The following MYT1 variants were observed in gnomAD, a reference collection of about 807,000 sequenced individuals.
MYT1 encodes the protein myelin transcription factor 1.
MYT1 carries 23 observed loss-of-function variants against 123.0 expected under a neutral mutation model. The ratio of observed to expected loss-of-function variants is 0.19; its 90% CI spans 0.13 to 0.26. The LOEUF (loss-of-function observed/expected upper bound fraction) is 0.26, where lower values mean the gene tolerates loss of function less well. MYT1 is among the 10% of genes least tolerant of loss of function. The probability of loss-of-function intolerance (pLI) is 1.00; values close to 1 mark genes in which losing one functional copy is unlikely to be tolerated. For synonymous variants in MYT1, 518 were observed against 575.3 expected (o/e 0.90, Z 1.43); for missense variants, 1,125 against 1,472.5 (o/e 0.76, Z 3.86).
At position 64,213,136 on chromosome 20, in the gene MYT1, G is replaced by A. The variant is rs996710615; in HGVS notation, c.1518-398G>A. 2.6e-5 allele frequency among the ~76,000 whole-genome samples: 4 copies of A among 152,234 alleles called. No individual in the cohort carries two copies. Among genetic ancestry groups the A allele is most frequent in the Non-Finnish European group, 5.9e-5 (4 of 68,004 alleles). ...CCCCAGAGCAGCTAACAGAACAAGC[G>A]CCAGAGAGGGCTGCAGAATCCAGCC... is the stretch of plus-strand genomic sequence containing the variant. On this transcript the variant is annotated intron_variant, in intron 9 of 22. Coordinates refer to ENST00000328439, the MANE Select transcript of MYT1 (RefSeq NM_004535.3). This position sits in a 1 kb window ranked among gnomAD's most constrained non-coding sequence, Gnocchi z 5.6.
chr20:64,214,829 C>T (rs745737486), intron 10 of MYT1, among the ~76,000 whole-genome samples: 12 of 152,362 alleles, frequency 7.9e-5, no homozygotes, highest in Non-Finnish European at 1.2e-4. Context: ...TGACCCCGGC[C>T]CTTCCTGGCA....
intron 1 of MYT1, among the ~76,000 whole-genome samples, chr20:64,184,677 C>G (rs1034099012): frequency 2.0e-5 from 3 of 152,116 alleles, no homozygotes; most frequent in African/African-American, 7.2e-5. Context: ...AACAACACAG[C>G]CAGAGAGGTC....
In MYT1 at chr20:64,239,744, TC is replaced by T. The variant is rs749969958; in HGVS notation, c.3094-15del. 1 of 1,613,428 alleles carries T rather than the reference TC, an allele frequency of 6.2e-7. No homozygotes were observed. The highest frequency in any genetic ancestry group is 1.1e-5 in the South Asian group (1 of 91,074). ...GGCCAAGGGCAGGCGGCACTTCGAA[TC>T]TCTCTCTGGCACAGATCTCCTCCAT... On this transcript the variant is annotated splice_polypyrimidine_tract_variant and intron_variant, in intron 21 of 22. Coordinates refer to ENST00000328439, the MANE Select transcript of MYT1 (RefSeq NM_004535.3).
At chr20:64,183,831 T>G (rs535943880) in intron 1 of MYT1, among the ~76,000 whole-genome samples, 2 of 152,208 alleles carry the variant, frequency 1.3e-5, no homozygotes, top group Non-Finnish European at 2.9e-5. Flanking sequence ...ATTCATTTAT[T>G]TATTTTTGAG....
chr20:64,207,865 G>T lies in MYT1; in HGVS notation c.669G>T (p.Glu223Asp), dbSNP rs764225168. The T allele has an allele frequency of 6.2e-7, 1 of 1,613,316 alleles. No individual in the cohort carries two copies. The highest frequency in any genetic ancestry group is 8.5e-7 in the Non-Finnish European group (1 of 1,179,816). Reference sequence around the variant, plus strand: ...TCATCCAGCCAGAGGATGCCGAGGAGGTCGTCGAAGTCACCACCGAGCGCT... The same window carrying T: ...TCATCCAGCCAGAGGATGCCGAGGATGTCGTCGAAGTCACCACCGAGCGCT... ...GLFIQPEDAE[E>D]VVEVTTERSQ... The change falls in exon 7 of 23, where the codon GAG becomes GAT. Residue 223 changes from glutamate (E) to aspartate (D), a missense_variant. By Grantham distance (45) the Glu-to-Asp change is conservative. Coordinates refer to ENST00000328439, the MANE Select transcript of MYT1 (RefSeq NM_004535.3).
intron 21 of MYT1, among the ~76,000 whole-genome samples, chr20:64,239,187 G>C (rs1445916697): frequency 6.6e-6 from 1 of 152,250 alleles, no homozygotes; most frequent in African/African-American, 2.4e-5. Context: ...GTGGGGAAGT[G>C]AGAAGACTTG....
chr20:64,237,779 T>C (rs1345910741), intron 21 of MYT1, among the ~76,000 whole-genome samples: 1 of 152,230 alleles, frequency 6.6e-6, no homozygotes, highest in Admixed American at 6.5e-5. Flanking sequence ...CAGTGGTCCA[T>C]GAGCGTGGTG....
intron 10 of MYT1, 62 bp from the exon 11 acceptor site, chr20:64,217,004 GA>G: frequency 6.6e-7 from 1 of 1,513,848 alleles, no homozygotes; most frequent in Non-Finnish European, 9.1e-7. Flanking sequence ...TGGGGTTGGG[GA>G]GGGTGGCACG....
chr20:64,219,156 T>C, intron 12 of MYT1, 121 bp downstream of exon 12: 2 of 1,337,008 alleles, frequency 1.5e-6, no homozygotes, highest in South Asian at 1.5e-5. Context: ...CTGGCAATTC[T>C]CATTCTTAAC....
intron 2 of MYT1, among the ~76,000 whole-genome samples, chr20:64,198,368 C>T (rs146747961): frequency 1.8e-3 from 274 of 150,242 alleles, no homozygotes; most frequent in African/African-American, 6.3e-3. Context: ...TCTGGGGACA[C>T]GTTGGGGTCA....
At chr20:64,222,074 T>C in intron 14 of MYT1, 27 bp downstream of exon 14, 1 of 1,611,120 alleles carries the variant, frequency 6.2e-7, no homozygotes, top group Non-Finnish European at 8.5e-7. Flanking sequence ...CTGGCACAGC[T>C]CCTAGGGGAC....
rs1186620239 is a variant in MYT1 at position 64,167,527 on chromosome 20, C to T, written c.-99+2788C>T. Among the ~76,000 whole-genome samples, 2 of 152,160 alleles carry T rather than the reference C, an allele frequency of 1.3e-5. No homozygotes were observed. The highest frequency in any genetic ancestry group is 2.9e-5 in the Non-Finnish European group (2 of 68,032). ...GGTGGGTGGGGGCTGCTGGCGGTCA[C>T]CTGATCTGCGAGCAGGCAGGGTACT... is the stretch of plus-strand genomic sequence containing the variant. On this transcript the variant is annotated intron_variant, in intron 1 of 22. Transcript: ENST00000328439. The surrounding 1 kb of genome is among the most constrained non-coding windows in gnomAD (Gnocchi z 6.3).
intron 22 of MYT1, among the ~76,000 whole-genome samples, 200 bp from the exon 23 acceptor site, chr20:64,240,120 A>T (rs573867987): frequency 6.6e-6 from 1 of 152,304 alleles, no homozygotes; most frequent in African/African-American, 2.4e-5. Flanking sequence ...TAGCTAATGA[A>T]TCCAAAGCAA....
Position 64,218,924 on chromosome 20 carries a change from G to A in MYT1, c.1860G>A (p.Ser620=), listed in dbSNP as rs769365746. ...CCTCTTCTGCAGGCTTTGACTACTC[G>A]CAGGACGCCGAGGCTGCACACATGG... The part of the protein sequence containing the change: ...SPKAFQCFDY[S]QDAEAAHMAA... The change falls in exon 12 of 23, where the codon TCG becomes TCA. Residue 620 remains serine (S), a synonymous_variant. Transcript: ENST00000328439. This position sits in a 1 kb window ranked among gnomAD's most constrained non-coding sequence, Gnocchi z 4.0. 1.6e-5 allele frequency: 26 copies of A among 1,613,452 alleles called. No homozygotes were observed. The highest frequency in any genetic ancestry group is 4.5e-5 in the East Asian group (2 of 44,896).
intron 18 of MYT1, among the ~76,000 whole-genome samples, chr20:64,228,611 CCTGACT>C (rs1984237458): frequency 6.6e-6 from 1 of 152,140 alleles, no homozygotes; most frequent in Admixed American, 6.5e-5. Flanking sequence ...ATAGGTGAAC[CCTGACT>C]CTGTGTGTTA....
In MYT1 at chr20:64,186,326, C is replaced by T. The variant is rs1487466187; in HGVS notation, c.-98-3737C>T. 2.0e-5 allele frequency among the ~76,000 whole-genome samples: 3 copies of T among 152,154 alleles called. No homozygotes were observed. Among genetic ancestry groups the T allele is most frequent in the Non-Finnish European group, 2.9e-5 (2 of 68,012 alleles). On this transcript the variant is annotated intron_variant, in intron 1 of 22. Transcript: ENST00000328439. The surrounding 1 kb of genome is among the most constrained non-coding windows in gnomAD (Gnocchi z 4.3). ...CCCGAGAGGCTTGTTTTCCAGGAGACGTGCTCAGGATGGAGCGGTCTCTGA... is the reference window on the plus strand; with the variant it reads ...CCCGAGAGGCTTGTTTTCCAGGAGATGTGCTCAGGATGGAGCGGTCTCTGA...
intron 1 of MYT1, among the ~76,000 whole-genome samples, chr20:64,187,958 G>A (rs920383071): frequency 3.3e-5 from 5 of 152,212 alleles, no homozygotes; most frequent in African/African-American, 1.2e-4. Context: ...GGCAGGAGTG[G>A]CTCTTTGGAG....
In MYT1 at chr20:64,213,232, C is replaced by T. The variant is rs1387896233; in HGVS notation, c.1518-302C>T. Among the ~76,000 whole-genome samples the T allele has an allele frequency of 6.6e-6, 1 of 152,178 alleles. No homozygotes were observed. Among genetic ancestry groups the T allele is most frequent in the African/African-American group, 2.4e-5 (1 of 41,432 alleles). ...TCCCAGACCCATGCAGAGGAGGCAT[C>T]TTTGCCCAGAGCTTTCAAGGCCTTT... On this transcript the variant is annotated intron_variant, in intron 9 of 22. Transcript: ENST00000328439. The surrounding 1 kb of genome is among the most constrained non-coding windows in gnomAD (Gnocchi z 5.6).
chr20:64,170,843 T>TTGGTCATATA (rs1982232537), intron 1 of MYT1, among the ~76,000 whole-genome samples: 1 of 84,234 alleles, frequency 1.2e-5, no homozygotes, highest in Non-Finnish European at 2.3e-5. Flanking sequence ...GATAGACAAA[T>TTGGTCATATA]TGGTCATATA....
Sources: gnomAD v4.1 joint callset for allele counts (sites outside exome capture counted in the v4.1 genomes callset) on GRCh38, gnomAD v4.1.1 for gene constraint, Gnocchi (gnomAD v3.1) non-coding constraint, MANE v1.5 for transcripts, NCBI Gene and HGNC (gene_info 2026-07-23, HGNC 2026-07-21) for gene names.